Variants in RBM27 observed in about 807,000 individuals in gnomAD.
RBM27 encodes RNA-binding protein 27.
In RBM27, 22 loss-of-function variants were observed where a neutral mutation model predicts 135.3. That is an observed-to-expected ratio of 0.16 (90% confidence interval 0.12 to 0.23). RBM27 has a LOEUF of 0.23. Ranked by LOEUF, RBM27 falls within the 10% of genes least tolerant of loss-of-function variation. RBM27 has a pLI of 1.00. For missense variants in RBM27, 1,009 were observed against 1,281.0 expected (o/e 0.79, Z 3.24); for synonymous variants, 481 against 442.4 (o/e 1.09, Z -1.10).
intron 12 of RBM27, among the ~76,000 whole-genome samples, 157 bp downstream of exon 12, chr5:146,261,055 T>C (rs1758375089): frequency 6.6e-6 from 1 of 152,262 alleles, no homozygotes; most frequent in South Asian, 2.1e-4. Context: ...ACTTTTATGA[T>C]GGACTTGTTA....
intron 3 of RBM27, among the ~76,000 whole-genome samples, chr5:146,227,603 A>T (rs1158553867): frequency 1.3e-5 from 2 of 152,180 alleles, no homozygotes; most frequent in African/African-American, 2.4e-5. Context: ...TCTGGTAAAG[A>T]CTATATATTC....
chr5:146,262,286 A>G (rs912219131), intron 13 of RBM27, among the ~76,000 whole-genome samples: 7 of 127,392 alleles, frequency 5.5e-5, no homozygotes, highest in Non-Finnish European at 1.0e-4. Flanking sequence ...CTGTAGAGCT[A>G]TTTATTTTTT....
At chr5:146,217,214 G>T (rs1472456418) in intron 1 of RBM27, among the ~76,000 whole-genome samples, 1 of 151,960 alleles carries the variant, frequency 6.6e-6, no homozygotes, top group African/African-American at 2.4e-5. Flanking sequence ...TGATCCCCCC[G>T]CCTTGGCCTC....
chr5:146,204,398 G>C (rs906169117), intron 1 of RBM27, among the ~76,000 whole-genome samples: 1 of 152,188 alleles, frequency 6.6e-6, no homozygotes. Context: ...TGGAGTAGAT[G>C]AAAAGGATGT....
rs923549215 is a variant in RBM27, at chr5:146,248,100, GT to G, written c.1280-3601del. ...CTAGTTTTTTCCAAAGGGAACTCCT[GT>G]TTTTTTTTTAAGTATCATTATGAAC... On this transcript the variant is annotated intron_variant, in intron 8 of 20. Coordinates refer to ENST00000265271, the MANE Select transcript of RBM27 (RefSeq NM_018989.2). 4.8e-4 allele frequency among the ~76,000 whole-genome samples: 70 copies of G among 145,746 alleles called. No individual in the cohort carries two copies. In the East Asian group the frequency reaches 0.011, roughly 23 times the overall value.
rs371778070 is a variant in RBM27 at position 146,223,354 on chromosome 5, T to G, written c.179-49T>G. 5 of 1,538,654 alleles carry G rather than the reference T, an allele frequency of 3.2e-6. No individual in the cohort carries two copies. In the African/African-American group the frequency reaches 7.0e-5, roughly 22 times the overall value. Reference sequence around the variant, plus strand: ...GCTTTGCTGACAATGTGTTGTCAAATTTTTGTTTTTTGTTTGCGCAATATG... The same window carrying G: ...GCTTTGCTGACAATGTGTTGTCAAAGTTTTGTTTTTTGTTTGCGCAATATG... On this transcript the variant is annotated intron_variant, in intron 2 of 20. Coordinates refer to ENST00000265271, the MANE Select transcript of RBM27 (RefSeq NM_018989.2).
At chr5:146,259,098 A>G (rs1356217959) in intron 11 of RBM27, among the ~76,000 whole-genome samples, 3 of 152,254 alleles carry the variant, frequency 2.0e-5, no homozygotes, top group East Asian at 3.9e-4. Flanking sequence ...ACCTATTTCT[A>G]CGCCTAACCC....
chr5:146,206,705 C>T (rs1009829113), intron 1 of RBM27, among the ~76,000 whole-genome samples: 2 of 152,004 alleles, frequency 1.3e-5, no homozygotes, highest in South Asian at 4.2e-4. Context: ...CCCAGCATCA[C>T]GAGTAGCTGG....
chr5:146,255,071 G>T lies in RBM27; in HGVS notation c.1573G>T (p.Asp525Tyr). 1 of 1,612,354 alleles carries T rather than the reference G, an allele frequency of 6.2e-7. No homozygotes were observed. The highest frequency in any genetic ancestry group is 8.5e-7 in the Non-Finnish European group (1 of 1,179,002). ...CAATCTGATTGGCCTAACATCTGGA[G>T]ATATGGATGTAAATCCAAGAGGTGA... ...RPNLIGLTSG[D>Y]MDVNPRAANI... Residue 525 changes from aspartate (D) to tyrosine (Y), a missense_variant, in exon 10 of 21, where the codon GAT (aspartate) becomes TAT (tyrosine). Asp to Tyr is a radical substitution (Grantham distance 160). Transcript: ENST00000265271.
chr5:146,252,347 A>T (rs1219392456), intron 9 of RBM27, among the ~76,000 whole-genome samples: 4 of 152,074 alleles, frequency 2.6e-5, no homozygotes, highest in Non-Finnish European at 5.9e-5. Context: ...CTATTGACAT[A>T]CGTATTTTGA....
At chr5:146,253,810 C>G (rs1000695502) in intron 9 of RBM27, among the ~76,000 whole-genome samples, 4 of 152,162 alleles carry the variant, frequency 2.6e-5, no homozygotes, top group African/African-American at 9.7e-5. Flanking sequence ...TTGAGGACTT[C>G]TGAATCCTAG....
chr5:146,217,816 A>G (rs1756278141), intron 1 of RBM27, among the ~76,000 whole-genome samples: 1 of 151,986 alleles, frequency 6.6e-6, no homozygotes, highest in Non-Finnish European at 1.5e-5. Flanking sequence ...GCTGGAGTGC[A>G]GTGGTGTGAT....
intron 19 of RBM27, among the ~76,000 whole-genome samples, chr5:146,284,273 A>G (rs1313335798): frequency 6.6e-6 from 1 of 152,154 alleles, no homozygotes; most frequent in Admixed American, 6.5e-5. Flanking sequence ...ATATATGTAG[A>G]TATCAAAGCC....
Position 146,233,675 on chromosome 5 carries a change from A to G in RBM27, c.1076A>G (p.His359Arg), listed in dbSNP as rs779128785. The change falls in exon 7 of 21, where the codon CAT (histidine) becomes CGT (arginine). Residue 359 changes from histidine (H) to arginine (R), a missense_variant. His to Arg is a conservative substitution (Grantham distance 29, BLOSUM62 0). Around this residue, in one of 6 missense-constraint regions of RBM27, gnomAD observed 329 missense variants for 368.1 expected, o/e 0.89. Coordinates refer to ENST00000265271, the MANE Select transcript of RBM27 (RefSeq NM_018989.2). ...PGPGPGPGPG[H>R]SMRLPVPQGH... is the part of the protein sequence containing the mutation. ...CCGGGCCCAGGTCCAGGTCCTGGCC[A>G]TAGTATGAGACTTCCTGTTCCCCAA... 7.8e-6 allele frequency: 12 copies of G among 1,540,964 alleles called. No homozygotes were observed. The highest frequency in any genetic ancestry group is 2.8e-5 in the African/African-American group (2 of 71,280).
chr5:146,255,170 C>T (rs913924064), intron 10 of RBM27, 78 bp downstream of exon 10: 6 of 1,332,088 alleles, frequency 4.5e-6, no homozygotes, highest in Non-Finnish European at 4.1e-6. Context: ...GCATTTCTGG[C>T]CTAGCTTGAG....
intron 18 of RBM27, 115 bp from the exon 19 acceptor site, chr5:146,271,368 C>T (rs925691852): frequency 1.5e-5 from 15 of 989,024 alleles, no homozygotes; most frequent in Middle Eastern, 3.3e-4. Flanking sequence ...CCATTGCACT[C>T]GAGCCTAGGC....
rs772299807 is a variant in RBM27, at chr5:146,223,270, A to G, written c.179-133A>G. 9 of 595,726 alleles carry G rather than the reference A, an allele frequency of 1.5e-5. No individual in the cohort carries two copies. The East Asian group carries it at 1.7e-4, about 11-fold the overall frequency. The allele number at this position is 595,726 out of a possible 1,614,324, so 36.9% of individuals were successfully genotyped here. On this transcript the variant is annotated intron_variant, in intron 2 of 20. Transcript: ENST00000265271. ...AAACCTGAAAGTGGGATTCTCTTCC[A>G]TAAGGTAGGACTCATTTTTAGTCCT...
intron 2 of RBM27, among the ~76,000 whole-genome samples, chr5:146,220,498 A>ATG (rs1317419601): frequency 6.7e-6 from 1 of 148,300 alleles, no homozygotes; most frequent in Non-Finnish European, 1.5e-5. Context: ...AAATATATAT[A>ATG]TATATATATA....
chr5:146,253,499 A>G (rs1049148055), intron 9 of RBM27, among the ~76,000 whole-genome samples: 1 of 151,928 alleles, frequency 6.6e-6, no homozygotes, highest in Non-Finnish European at 1.5e-5. Context: ...AGAGGGAGAC[A>G]GTTCTTAATC....
Sources: allele counts gnomAD v4.1 joint callset (sites outside exome capture counted in the v4.1 genomes callset), GRCh38; gene constraint gnomAD v4.1.1; regional missense constraint gnomAD v4.1.1; transcripts MANE v1.5; gene names NCBI Gene and HGNC (gene_info 2026-07-23, HGNC 2026-07-21).